Variants in SYN3 observed in about 807,000 individuals in gnomAD.
The protein encoded by SYN3 is synapsin-3.
Under a neutral mutation model 65.8 loss-of-function variants are expected in SYN3, and 35 were observed. The observed-to-expected ratio is 0.53, with a 90% CI of 0.41 to 0.70. The LOEUF (loss-of-function observed/expected upper bound fraction) is 0.70, where lower values mean the gene tolerates loss of function less well. SYN3 is among the 30% of genes least tolerant of loss of function. The pLI is 0.00. For synonymous variants in SYN3, 270 were observed against 292.9 expected (o/e 0.92, Z 0.80); for missense variants, 680 against 749.0 (o/e 0.91, Z 1.08).
intron 6 of SYN3, among the ~76,000 whole-genome samples, chr22:32,770,038 C>A (rs73881795): frequency 3.3e-5 from 5 of 152,320 alleles, no homozygotes; most frequent in Admixed American, 2.0e-4. Context: ...TTCTAGCCCC[C>A]CTGACTGTTC....
chr22:32,750,050 T>A (rs2045067500), intron 6 of SYN3, among the ~76,000 whole-genome samples: 1 of 152,196 alleles, frequency 6.6e-6, no homozygotes, highest in South Asian at 2.1e-4. Flanking sequence ...ATTCATTCTG[T>A]AAGCACCTAC....
Position 32,869,092 on chromosome 22 carries a change from G to A in SYN3, c.495C>T (p.Arg165=). ...RSFKPDFILV[R]QHAYSMALGE... is the part of the protein sequence containing the mutation. The stretch of plus-strand genomic sequence containing the variant: ...CCAGGGCCATGCTGTAGGCATGCTG[G>A]CGGACCAGGATGAAGTCTGGCTTGA... The change falls in exon 5 of 14, where the codon CGC becomes CGT. Residue 165 remains arginine (R), a synonymous_variant. Coordinates refer to ENST00000358763, the MANE Select transcript of SYN3 (RefSeq NM_003490.4). 1 of 1,613,816 alleles carries A rather than the reference G, an allele frequency of 6.2e-7. No homozygotes were observed. Among genetic ancestry groups the A allele is most frequent in the South Asian group, 1.1e-5 (1 of 91,026 alleles).
intron 6 of SYN3, among the ~76,000 whole-genome samples, chr22:32,748,225 T>A (rs959593556): frequency 1.8e-4 from 28 of 152,366 alleles, no homozygotes; most frequent in African/African-American, 5.8e-4. Flanking sequence ...GGTATCTTAA[T>A]GCAGTGGCCA....
Position 32,837,272 on chromosome 22 carries a change from T to A in SYN3, c.711+27643A>T, listed in dbSNP as rs2047759163. On this transcript the variant is annotated intron_variant, in intron 6 of 13. Transcript: ENST00000358763. The surrounding 1 kb of genome is among the most constrained non-coding windows in gnomAD (Gnocchi z 4.1). ...TATTCTGGTGGCCACTTGTGTGGGATAAAGTTTCCCATGGGCCCCCGTGGA... is the reference window on the plus strand; with the variant it reads ...TATTCTGGTGGCCACTTGTGTGGGAAAAAGTTTCCCATGGGCCCCCGTGGA... 6.6e-6 allele frequency among the ~76,000 whole-genome samples: 1 copy of A among 152,156 alleles called. No homozygotes were observed. Among genetic ancestry groups the A allele is most frequent in the Non-Finnish European group, 1.5e-5 (1 of 68,038 alleles).
chr22:32,984,408 C>T (rs2052464797), intron 2 of SYN3, among the ~76,000 whole-genome samples: 1 of 152,176 alleles, frequency 6.6e-6, no homozygotes, highest in South Asian at 2.1e-4. Flanking sequence ...ACCACTGAGG[C>T]TCCTGGTGCG....
At position 33,014,230 on chromosome 22, in the gene SYN3, A is replaced by C. The variant is rs181787071; in HGVS notation, c.-162-7406T>G. Among the ~76,000 whole-genome samples, 21 of 152,244 alleles carry C rather than the reference A, an allele frequency of 1.4e-4. No homozygotes were observed. In the East Asian group the frequency reaches 3.3e-3, roughly 24 times the overall value. ...GGGTCCTAGCTTCCCCCTCCTTTTAAGGCTGAATGGTATTCCATCGTGTGT... is the reference window on the plus strand; with the variant it reads ...GGGTCCTAGCTTCCCCCTCCTTTTACGGCTGAATGGTATTCCATCGTGTGT... On this transcript the variant is annotated intron_variant, in intron 1 of 13. Transcript: ENST00000358763.
At chr22:33,009,532 C>T (rs1467081302) in intron 1 of SYN3, among the ~76,000 whole-genome samples, 1 of 151,858 alleles carries the variant, frequency 6.6e-6, no homozygotes. Flanking sequence ...TTCTCAGATA[C>T]GTACATTGTA....
At chr22:32,840,932 G>A (rs569879543) in intron 6 of SYN3, among the ~76,000 whole-genome samples, 3 of 152,060 alleles carry the variant, frequency 2.0e-5, no homozygotes, top group Non-Finnish European at 4.4e-5. Flanking sequence ...CCCTGTATAC[G>A]TCTTCACAAT....
chr22:32,629,220 A>T (rs2059713125), intron 6 of SYN3, among the ~76,000 whole-genome samples: 1 of 152,190 alleles, frequency 6.6e-6, no homozygotes, highest in Non-Finnish European at 1.5e-5. Flanking sequence ...GTAGGAACAG[A>T]GGCTTCCCCA....
chr22:32,828,472 A>G (rs560753103), intron 6 of SYN3, among the ~76,000 whole-genome samples: 1 of 152,240 alleles, frequency 6.6e-6, no homozygotes. Context: ...GGTGCTGTGC[A>G]CCCAGGAAAG....
intron 7 of SYN3, among the ~76,000 whole-genome samples, chr22:32,570,227 T>C (rs1203885048): frequency 6.6e-6 from 1 of 152,206 alleles, no homozygotes; most frequent in African/African-American, 2.4e-5. Flanking sequence ...GGGGTTTGTC[T>C]ATATCCAAAA....
rs780325185 is a variant in SYN3, at chr22:32,596,713, C to T, written c.735G>A (p.Val245=). 15 of 1,613,902 alleles carry T rather than the reference C, an allele frequency of 9.3e-6. No individual in the cohort carries two copies. The Admixed American group carries it at 1.5e-4, about 16-fold the overall frequency. Reference sequence around the variant, plus strand: ...CGTGGGCATGTCCCAGCTTGACTACCACCGGGAAGTGTGGGGCTGTGACCT... The same window carrying T: ...CGTGGGCATGTCCCAGCTTGACTACTACCGGGAAGTGTGGGGCTGTGACCT... ...KPMVTAPHFP[V]VVKLGHAHAG... Residue 245 remains valine, a synonymous_variant, in exon 7 of 14, where the codon GTG becomes GTA. Transcript: ENST00000358763.
intron 6 of SYN3, among the ~76,000 whole-genome samples, chr22:32,649,325 T>A (rs563672475): frequency 7.2e-5 from 11 of 152,212 alleles, no homozygotes; most frequent in Non-Finnish European, 1.5e-4. Flanking sequence ...GCAAGAATAA[T>A]TATTTTTTAA....
chr22:32,882,113 ACGT>A (rs1418548642), intron 4 of SYN3, among the ~76,000 whole-genome samples: 4 of 150,924 alleles, frequency 2.7e-5, no homozygotes, highest in Non-Finnish European at 4.4e-5. Context: ...GCAGGATGTG[ACGT>A]CTGTCTGTGA....
chr22:32,769,580 G>C (rs999114749), intron 6 of SYN3, among the ~76,000 whole-genome samples: 3 of 150,070 alleles, frequency 2.0e-5, no homozygotes, highest in Non-Finnish European at 2.9e-5. Context: ...ACAGTGGCGC[G>C]ATCTCGGCTC....
At chr22:32,650,236 TCCCTCCCTCCCTCCC>T (rs1569124612) in intron 6 of SYN3, among the ~76,000 whole-genome samples, 34 of 82,032 alleles carry the variant, frequency 4.1e-4, no homozygotes, top group East Asian at 2.6e-3. Context: ...TCTCTCTCCC[TCCCTCCCTCCCTCCC>T]TCCCTCCCTC....
intron 6 of SYN3, among the ~76,000 whole-genome samples, chr22:32,773,496 T>G (rs1212304346): frequency 6.6e-6 from 1 of 151,232 alleles, no homozygotes. Context: ...GGGACAAAGA[T>G]CTGAGACGGC....
intron 6 of SYN3, among the ~76,000 whole-genome samples, chr22:32,672,874 G>A (rs1355487362): frequency 2.6e-5 from 4 of 152,222 alleles, no homozygotes; most frequent in African/African-American, 9.6e-5. Context: ...GAGAAAGAGA[G>A]CTTTGTGGAT....
At chr22:33,035,395 AT>A (rs910202850) in intron 1 of SYN3, among the ~76,000 whole-genome samples, 4 of 130,974 alleles carry the variant, frequency 3.1e-5, no homozygotes, top group African/African-American at 1.1e-4. Context: ...AAGCTGAGTC[AT>A]TGCAACACCC....
Sources: allele counts gnomAD v4.1 joint callset (sites outside exome capture counted in the v4.1 genomes callset), GRCh38; gene constraint gnomAD v4.1.1; non-coding constraint Gnocchi (gnomAD v3.1); transcripts MANE v1.5; gene names NCBI Gene and HGNC (gene_info 2026-07-23, HGNC 2026-07-21).